PHACTR1: variants seen among roughly 807,000 people sequenced by gnomAD.
PHACTR1 encodes RPEL repeat containing 1.
PHACTR1 carries 16 observed loss-of-function variants against 69.2 expected under a neutral mutation model. That is an observed-to-expected ratio of 0.23 (90% CI 0.16 to 0.35). PHACTR1 has a LOEUF of 0.35. PHACTR1 is among the 10% of genes least tolerant of loss of function. The pLI is 1.00. For missense variants in PHACTR1, 510 were observed against 734.7 expected, an observed-to-expected ratio of 0.69 and a Z score of 3.54; for synonymous variants, 312 against 284.5, an observed-to-expected ratio of 1.10 and a Z score of -0.97.
In PHACTR1 at chr6:12,900,815, C is replaced by G. The variant is rs1034588969; in HGVS notation, c.250+151025C>G. 5.3e-5 allele frequency among the ~76,000 whole-genome samples: 8 copies of G among 152,292 alleles called. No homozygotes were observed. The South Asian group carries it at 1.7e-3, about 32-fold the overall frequency. ...TACTTTTCACTAATCATTCCTAACT[C>G]TTGTGTGTGTGTTTTCGTTTTAACT... On this transcript the variant is annotated intron_variant, in intron 4 of 14. Transcript: ENST00000332995.
At chr6:12,997,137 A>T (rs1018774967) in intron 4 of PHACTR1, among the ~76,000 whole-genome samples, 1 of 151,844 alleles carries the variant, frequency 6.6e-6, no homozygotes, top group Non-Finnish European at 1.5e-5. Flanking sequence ...ATTGCACTCT[A>T]GCCTGGGCAG....
chr6:12,944,485 A>G (rs1385736942), intron 4 of PHACTR1, among the ~76,000 whole-genome samples: 1 of 152,212 alleles, frequency 6.6e-6, no homozygotes, highest in Non-Finnish European at 1.5e-5. Flanking sequence ...AATTAATACA[A>G]CATCTATAAG....
chr6:13,273,189 AGAGT>A, intron 11 of PHACTR1: 1 of 433,732 alleles, frequency 2.3e-6, no homozygotes, highest in Non-Finnish European at 4.1e-6. Flanking sequence ...CTGAAAAATT[AGAGT>A]GAGACCACTT....
intron 7 of PHACTR1, among the ~76,000 whole-genome samples, chr6:13,196,173 A>G (rs960658921): frequency 6.6e-6 from 1 of 152,214 alleles, no homozygotes; most frequent in Non-Finnish European, 1.5e-5. Context: ...GGCAAGAAGT[A>G]GTGTGTATCC....
At chr6:12,724,532 T>C (rs1307302407) in intron 3 of PHACTR1, among the ~76,000 whole-genome samples, 1 of 152,144 alleles carries the variant, frequency 6.6e-6, no homozygotes, top group African/African-American at 2.4e-5. Context: ...GAGTCAGAGT[T>C]TTCATTCAAA....
intron 5 of PHACTR1, among the ~76,000 whole-genome samples, chr6:13,131,115 T>C (rs1391256845): frequency 2.0e-5 from 3 of 151,772 alleles, no homozygotes; most frequent in African/African-American, 4.8e-5. Context: ...CATCCCTTTA[T>C]GATCAAAACT....
At chr6:13,081,143 A>G (rs1373037431) in intron 5 of PHACTR1, among the ~76,000 whole-genome samples, 1 of 152,180 alleles carries the variant, frequency 6.6e-6, no homozygotes, top group Non-Finnish European at 1.5e-5. Flanking sequence ...GAAAAATAAA[A>G]CAGTGGGTTA....
chr6:13,167,597 G>A (rs1468855413), intron 6 of PHACTR1, among the ~76,000 whole-genome samples: 2 of 152,158 alleles, frequency 1.3e-5, no homozygotes, highest in African/African-American at 4.8e-5. Context: ...CTACAGGGAG[G>A]GGAAAAGAGA....
In PHACTR1 at chr6:12,798,200, G is replaced by A. The variant is rs139901595; in HGVS notation, c.250+48410G>A. 7.1e-3 allele frequency among the ~76,000 whole-genome samples: 1,077 copies of A among 152,162 alleles called. 17 individuals carry two copies. The highest frequency in any genetic ancestry group is 0.025 in the African/African-American group (1,026 of 41,492). ...CTAAATGAATGAGGGAAGGAGAAAGGAAGGGAGGGAAGGAAGGAAGAAAGA... is the reference window on the plus strand; with the variant it reads ...CTAAATGAATGAGGGAAGGAGAAAGAAAGGGAGGGAAGGAAGGAAGAAAGA... On this transcript the variant is annotated intron_variant, in intron 4 of 14. Transcript: ENST00000332995.
chr6:13,002,092 G>A (rs569129184), intron 4 of PHACTR1, among the ~76,000 whole-genome samples: 13 of 152,306 alleles, frequency 8.5e-5, no homozygotes, highest in Admixed American at 7.2e-4. Context: ...TACAAGGAAT[G>A]AGCCCTTCCT....
At chr6:13,147,629 A>C (rs1823613838) in intron 5 of PHACTR1, among the ~76,000 whole-genome samples, 1 of 152,204 alleles carries the variant, frequency 6.6e-6, no homozygotes, top group East Asian at 1.9e-4. Context: ...GAAAAGACTT[A>C]TTGTGGCATT....
intron 4 of PHACTR1, among the ~76,000 whole-genome samples, chr6:12,821,472 AAAAAAAAAAAAAGAG>A (rs1262366445): frequency 9.6e-6 from 1 of 103,932 alleles, no homozygotes; most frequent in South Asian, 3.9e-4. Flanking sequence ...CAAAAAAAAA[AAAAAAAAAAAAAGAG>A]AGAGAGAGAG....
chr6:13,117,802 C>T (rs1003783076), intron 5 of PHACTR1, among the ~76,000 whole-genome samples: 5 of 152,184 alleles, frequency 3.3e-5, no homozygotes, highest in Admixed American at 6.5e-5. Context: ...CATCCCCTGG[C>T]GATTGTAATC....
chr6:12,918,178 A>G (rs992462395), intron 4 of PHACTR1, among the ~76,000 whole-genome samples: 5 of 152,188 alleles, frequency 3.3e-5, no homozygotes, highest in Admixed American at 1.3e-4. Flanking sequence ...AAGAGCCACA[A>G]ATATATTTCC....
intron 5 of PHACTR1, among the ~76,000 whole-genome samples, chr6:13,158,947 A>G (rs1384457326): frequency 3.3e-5 from 5 of 152,226 alleles, no homozygotes; most frequent in Admixed American, 2.6e-4. Context: ...TCCCCTGAAT[A>G]TGTTTTCAAA....
At chr6:13,173,982 C>T (rs1295236717) in intron 6 of PHACTR1, among the ~76,000 whole-genome samples, 1 of 152,188 alleles carries the variant, frequency 6.6e-6, no homozygotes. Flanking sequence ...GCTGGGATAA[C>T]AAGCGTTTTC....
intron 5 of PHACTR1, among the ~76,000 whole-genome samples, chr6:13,117,331 C>T (rs776868396): frequency 1.3e-5 from 2 of 152,134 alleles, no homozygotes; most frequent in Non-Finnish European, 2.9e-5. Flanking sequence ...ATATCCTTTT[C>T]ATTGTTTGTT....
At chr6:12,908,826 C>T (rs1426067301) in intron 4 of PHACTR1, among the ~76,000 whole-genome samples, 1 of 152,232 alleles carries the variant, frequency 6.6e-6, no homozygotes, top group Non-Finnish European at 1.5e-5. Flanking sequence ...GGAAGCCGCA[C>T]ATCTCCTTGT....
chr6:12,923,442 A>G (rs1257706739), intron 4 of PHACTR1, among the ~76,000 whole-genome samples: 1 of 152,236 alleles, frequency 6.6e-6, no homozygotes, highest in African/African-American at 2.4e-5. Context: ...TGCAACAAAT[A>G]TTATGATAGC....
Sources: allele counts gnomAD v4.1 joint callset (sites outside exome capture counted in the v4.1 genomes callset), GRCh38; gene constraint gnomAD v4.1.1; transcripts MANE v1.5; gene names NCBI Gene and HGNC (gene_info 2026-07-23, HGNC 2026-07-21).